The following MTTP variants were observed in gnomAD, a reference collection of about 807,000 sequenced individuals.
MTTP encodes microsomal triglyceride transfer protein large subunit.
In MTTP, 49 loss-of-function variants were observed where a neutral mutation model predicts 90.6. The observed-to-expected ratio is 0.54, with a 90% confidence interval of 0.43 to 0.69. The LOEUF (loss-of-function observed/expected upper bound fraction) is 0.69, where lower values mean the gene tolerates loss of function less well. Ranked by LOEUF, MTTP falls within the 30% of genes least tolerant of loss-of-function variation. MTTP has a pLI of 0.00. For synonymous variants in MTTP, 347 were observed against 384.2 expected (o/e 0.90, Z 1.13); for missense variants, 945 against 1,067.5 (o/e 0.89, Z 1.60).
At chr4:99,591,879 T>TGTG in intron 6 of MTTP, 89 bp downstream of exon 6, 1 of 1,214,168 alleles carries the variant, frequency 8.2e-7, no homozygotes. Context: ...TTTGTGTGTG[T>TGTG]GTGTGTGTGC....
At chr4:99,614,800 G>C (rs1461223214) in intron 15 of MTTP, among the ~76,000 whole-genome samples, 2 of 152,212 alleles carry the variant, frequency 1.3e-5, no homozygotes, top group African/African-American at 4.8e-5. Flanking sequence ...GACCAAAACG[G>C]TGTTACATGG....
Position 99,588,984 on chromosome 4 carries a change from T to C in MTTP, c.394-659T>C, listed in dbSNP as rs28440180. 5.7e-3 allele frequency among the ~76,000 whole-genome samples: 132 copies of C among 22,960 alleles called. 10 individuals are homozygous for C. Among genetic ancestry groups the C allele is most frequent in the African/African-American group, 8.2e-3 (19 of 2,316 alleles). 15.1% of individuals were successfully genotyped at this position (22,960 alleles called of 152,430 possible). On this transcript the variant is annotated intron_variant, in intron 3 of 17. Coordinates refer to ENST00000265517, the MANE Select transcript of MTTP (RefSeq NM_001386140.1). ...ATATATGTTCATATATATACACACATATATATATGTTCATATATATACACA... is the reference window on the plus strand; with the variant it reads ...ATATATGTTCATATATATACACACACATATATATGTTCATATATATACACA...
chr4:99,600,225 A>G (rs1246232265), intron 8 of MTTP, among the ~76,000 whole-genome samples: 1 of 152,192 alleles, frequency 6.6e-6, no homozygotes, highest in African/African-American at 2.4e-5. Context: ...TGTATTACTC[A>G]TATAGGAAAG....
rs760703195 is a variant in MTTP, at chr4:99,611,223, A to G, written c.1850A>G (p.Tyr617Cys). ...TCCAGGAGTGGATCTTCTTCTGCCT[A>G]CACTGGCTACATAGAACGTATGTAC... ...RFSRSGSSSAYTGYIERSPRS... is the reference protein window; with the variant it reads ...RFSRSGSSSACTGYIERSPRS... The change falls in exon 13 of 18, where the codon TAC (tyrosine) becomes TGC (cysteine). Residue 617 changes from tyrosine to cysteine, a missense_variant. Coordinates refer to ENST00000265517, the MANE Select transcript of MTTP (RefSeq NM_001386140.1). 5 of 1,613,992 alleles carry G rather than the reference A, an allele frequency of 3.1e-6. No individual in the cohort carries two copies. The highest frequency in any genetic ancestry group is 4.2e-6 in the Non-Finnish European group (5 of 1,179,914).
In MTTP at chr4:99,621,150, T is replaced by G; in HGVS notation, c.2432T>G (p.Leu811Trp). The change falls in exon 17 of 18, where the codon TTG (leucine) becomes TGG (tryptophan). Residue 811 changes from leucine to tryptophan, a missense_variant. By Grantham distance (61) the Leu-to-Trp change is moderately conservative. Coordinates refer to ENST00000265517, the MANE Select transcript of MTTP (RefSeq NM_001386140.1). ...LETSTETEAG[L>W]EFISTVQFSQ... ...ACCAGTACAGAAACAGAAGCAGGCT[T>G]GGAGTTTATCTCCACAGTGCAGTTT... is the stretch of plus-strand genomic sequence containing the variant. 6.2e-7 allele frequency: 1 copy of G among 1,614,120 alleles called. No homozygotes were observed. Among genetic ancestry groups the G allele is most frequent in the South Asian group, 1.1e-5 (1 of 91,078 alleles).
Position 99,623,170 on chromosome 4 carries a change from A to C in MTTP, c.*322A>C. ...TTGTTAAAAACAAAAATAAAAACAA[A>C]ACCACACAAGGAGAACCCAATTTTG... On this transcript the variant is annotated 3_prime_UTR_variant, in exon 18 of 18. Coordinates refer to ENST00000265517, the MANE Select transcript of MTTP (RefSeq NM_001386140.1). 1 of 363,566 alleles carries C rather than the reference A, an allele frequency of 2.8e-6. No homozygotes were observed. Among genetic ancestry groups the C allele is most frequent in the Non-Finnish European group, 5.2e-6 (1 of 192,614 alleles). The allele number at this position is 363,566 out of a possible 1,614,324, so 22.5% of individuals were successfully genotyped here.
chr4:99,585,237 G>A (rs967193641), intron 3 of MTTP, among the ~76,000 whole-genome samples: 8 of 152,128 alleles, frequency 5.3e-5, no homozygotes, highest in Admixed American at 1.3e-4. Flanking sequence ...GGCATTACAC[G>A]AACTGTCTCT....
chr4:99,613,168 T>A, intron 15 of MTTP, 28 bp downstream of exon 15: 1 of 1,577,602 alleles, frequency 6.3e-7, no homozygotes, highest in Non-Finnish European at 8.7e-7. Context: ...TGAGTATTTA[T>A]TGAGTCCCTA....
intron 1 of MTTP, among the ~76,000 whole-genome samples, chr4:99,566,297 G>GAAAAAAAAAAA (rs567380343): frequency 1.6e-3 from 188 of 117,202 alleles, no homozygotes; most frequent in Non-Finnish European, 1.9e-3. Context: ...TCAAAAAAAA[G>GAAAAAAAAAAA]AAAAAAAAAA....
At chr4:99,571,846 TTAAAC>T (rs145935988), upstream of MTTP, among the ~76,000 whole-genome samples, 3,676 of 152,046 alleles carry the variant, frequency 0.024, 80 homozygotes, top group Non-Finnish European at 0.037. Context: ...CTTTTAGAGT[TTAAAC>T]TATTATGACC....
chr4:99,573,712 G>A (rs1420224090), upstream of MTTP, among the ~76,000 whole-genome samples: 1 of 152,066 alleles, frequency 6.6e-6, no homozygotes, highest in African/African-American at 2.4e-5. Flanking sequence ...TCAAGGTTAC[G>A]GTTTGAGAAA....
intron 16 of MTTP, among the ~76,000 whole-genome samples, chr4:99,619,429 G>A (rs1726177831): frequency 6.6e-6 from 1 of 151,946 alleles, no homozygotes; most frequent in Non-Finnish European, 1.5e-5. Flanking sequence ...TTCCTCTTTT[G>A]TTGTCTTCAG....
intron 12 of MTTP, among the ~76,000 whole-genome samples, chr4:99,610,678 T>G (rs1023946714): frequency 6.6e-6 from 1 of 152,180 alleles, no homozygotes; most frequent in South Asian, 2.1e-4. Context: ...AATTGGAAAC[T>G]TCACAGATAT....
chr4:99,574,611 G>A (rs1724908579), upstream of MTTP: 2 of 514,440 alleles, frequency 3.9e-6, no homozygotes, highest in Non-Finnish European at 7.0e-6. Context: ...TAGGATGGTA[G>A]ACTGGTTTGG....
intron 10 of MTTP, among the ~76,000 whole-genome samples, chr4:99,602,654 C>G (rs1372189677): frequency 6.6e-6 from 1 of 152,080 alleles, no homozygotes; most frequent in African/African-American, 2.4e-5. Flanking sequence ...TGGGTATTAA[C>G]TTATTAAGTT....
At chr4:99,607,585 T>C (rs1383918823) in intron 11 of MTTP, among the ~76,000 whole-genome samples, 2 of 152,126 alleles carry the variant, frequency 1.3e-5, no homozygotes, top group African/African-American at 2.4e-5. Flanking sequence ...AAAGCCAAGA[T>C]TTGAGGGAGT....
intron 14 of MTTP, 92 bp from the exon 15 acceptor site, chr4:99,612,821 T>A (rs951847461): frequency 3.2e-6 from 4 of 1,252,132 alleles, no homozygotes; most frequent in Non-Finnish European, 4.7e-6. Context: ...TTTGGCCCCT[T>A]GAGAAGTTCT....
At position 99,564,168 on chromosome 4, in the gene MTTP, G is replaced by C. The variant is rs1033649353; in HGVS notation, c.-171G>C. 7.8e-6 allele frequency: 12 copies of C among 1,535,458 alleles called. No homozygotes were observed. In the Admixed American group the frequency reaches 2.0e-4, roughly 25 times the overall value. Reference sequence around the variant, plus strand: ...GTTTTGGGAGTGGGAGGTAGTTACAGTGATGTCTGTTTTTTCCCGTTCAAG... The same window carrying C: ...GTTTTGGGAGTGGGAGGTAGTTACACTGATGTCTGTTTTTTCCCGTTCAAG... On this transcript the variant is annotated 5_prime_UTR_variant, in exon 1 of 19. Coordinates refer to the MTTP transcript ENST00000457717.
At chr4:99,620,702 T>C (rs138186411) in intron 16 of MTTP, among the ~76,000 whole-genome samples, 7 of 152,352 alleles carry the variant, frequency 4.6e-5, no homozygotes, top group Non-Finnish European at 8.8e-5. Flanking sequence ...GACTCCATTT[T>C]AATATAACTT....
Sources: allele counts gnomAD v4.1 joint callset (sites outside exome capture counted in the v4.1 genomes callset), GRCh38; gene constraint gnomAD v4.1.1; transcripts MANE v1.5; gene names NCBI Gene and HGNC (gene_info 2026-07-23, HGNC 2026-07-21).